The following VWC2 variants were observed in gnomAD, a reference collection of about 807,000 sequenced individuals.
The protein encoded by VWC2 is von Willebrand factor C domain containing 2.
In VWC2, 14 loss-of-function variants were observed where a neutral mutation model predicts 29.8. The ratio of observed to expected loss-of-function variants is 0.47; its 90% CI spans 0.31 to 0.74. VWC2 has a LOEUF of 0.74. VWC2 is among the 30% of genes least tolerant of loss of function. The pLI is 0.05. For missense variants in VWC2, 457 were observed against 459.8 expected (o/e 0.99, Z 0.05); for synonymous variants, 213 against 199.0 (o/e 1.07, Z -0.59).
At chr7:49,903,939 CA>C (rs1205843812) in intron 3 of VWC2, among the ~76,000 whole-genome samples, 3 of 152,142 alleles carry the variant, frequency 2.0e-5, no homozygotes, top group African/African-American at 7.2e-5. Context: ...GTCTGGTTTA[CA>C]TAGGGCTCAC....
At chr7:49,870,845 A>G (rs1266513258) in intron 3 of VWC2, among the ~76,000 whole-genome samples, 1 of 152,252 alleles carries the variant, frequency 6.6e-6, no homozygotes, top group Non-Finnish European at 1.5e-5. Flanking sequence ...TTGTGGGAGA[A>G]TCCCAGTTCA....
chr7:49,864,308 A>C (rs1038464287), intron 3 of VWC2, among the ~76,000 whole-genome samples: 1 of 152,212 alleles, frequency 6.6e-6, no homozygotes, highest in Non-Finnish European at 1.5e-5. Flanking sequence ...TAGTCTCTGC[A>C]GAATTGTTCT....
chr7:49,775,403 C>G lies in VWC2; in HGVS notation c.-33C>G. 5 of 868,958 alleles carry G rather than the reference C, an allele frequency of 5.8e-6. No homozygotes were observed. The highest frequency in any genetic ancestry group is 6.1e-6 in the Non-Finnish European group (4 of 650,746). The allele number at this position is 868,958 out of a possible 1,614,324, so 53.8% of individuals were successfully genotyped here. A position where few individuals can be genotyped will look rare whatever the true frequency, so the allele number is the denominator to read the frequency against. ...TGCGACTCGCCCCTCGGCCGCGCTC[C>G]CCGCCCGCCCGCCCGCCGGGACGTG... is the stretch of plus-strand genomic sequence containing the variant. On this transcript the variant is annotated 5_prime_UTR_variant, in exon 2 of 4. Transcript: ENST00000340652.
At chr7:49,828,295 T>A (rs557995232) in intron 3 of VWC2, among the ~76,000 whole-genome samples, 1 of 152,320 alleles carries the variant, frequency 6.6e-6, no homozygotes, top group South Asian at 2.1e-4. Flanking sequence ...CCTTTTCAGT[T>A]TGGAACTATA....
chr7:49,915,314 G>A lies in VWC2; in HGVS notation c.*3129G>A, dbSNP rs1793657134. 2 of 152,180 alleles carry A rather than the reference G, an allele frequency of 1.3e-5. No homozygotes were observed. The highest frequency in any genetic ancestry group is 4.8e-5 in the African/African-American group (2 of 41,438). The allele number at this position is 152,180 out of a possible 1,614,324, so 9.4% of individuals were successfully genotyped here. A position where few individuals can be genotyped will look rare whatever the true frequency, so the allele number is the denominator to read the frequency against. On this transcript the variant is annotated 3_prime_UTR_variant, in exon 4 of 4. Coordinates refer to ENST00000340652, the MANE Select transcript of VWC2 (RefSeq NM_198570.5). Reference sequence around the variant, plus strand: ...GGCACAGTGTCCTTGACATCAAGGGGTCTGTAAGCCTTGAAACTAATTTAG... The same window carrying A: ...GGCACAGTGTCCTTGACATCAAGGGATCTGTAAGCCTTGAAACTAATTTAG...
intron 3 of VWC2, among the ~76,000 whole-genome samples, chr7:49,896,996 C>T (rs944380116): frequency 2.6e-5 from 4 of 151,482 alleles, no homozygotes; most frequent in East Asian, 1.9e-4. Flanking sequence ...CCCGGGTTCA[C>T]GCCATTCTCC....
At chr7:49,781,948 G>C (rs1788187162) in intron 2 of VWC2, among the ~76,000 whole-genome samples, 1 of 152,180 alleles carries the variant, frequency 6.6e-6, no homozygotes, top group Admixed American at 6.5e-5. Context: ...AAGAAGACTA[G>C]ATCCCAAGAG....
chr7:49,877,485 T>TACATATAC (rs1351876914), intron 3 of VWC2, among the ~76,000 whole-genome samples: 1 of 14,934 alleles, frequency 6.7e-5, no homozygotes, highest in Admixed American at 9.8e-4. Flanking sequence ...AAAAAAAATA[T>TACATATAC]ATATATATAT....
At chr7:49,782,223 A>T (rs976773614) in intron 2 of VWC2, among the ~76,000 whole-genome samples, 6 of 151,806 alleles carry the variant, frequency 4.0e-5, no homozygotes, top group Non-Finnish European at 8.8e-5. Flanking sequence ...AGCTGACCAC[A>T]CCCCCCTTGC....
intron 3 of VWC2, among the ~76,000 whole-genome samples, chr7:49,890,805 G>A (rs1792096568): frequency 6.6e-6 from 1 of 151,866 alleles, no homozygotes; most frequent in Non-Finnish European, 1.5e-5. Context: ...GGAAAGGAAG[G>A]CTCACTGAGA....
intron 3 of VWC2, among the ~76,000 whole-genome samples, chr7:49,909,812 GAA>G (rs1266480081): frequency 6.6e-6 from 1 of 152,178 alleles, no homozygotes; most frequent in African/African-American, 2.4e-5. Flanking sequence ...AAGAAGAAAA[GAA>G]AGTCCAGGGC....
chr7:49,854,477 T>G (rs1211920692), intron 3 of VWC2, among the ~76,000 whole-genome samples: 2 of 152,218 alleles, frequency 1.3e-5, no homozygotes, highest in East Asian at 1.9e-4. Flanking sequence ...TGATGAGCAT[T>G]TTTTCATGTG....
intron 2 of VWC2, among the ~76,000 whole-genome samples, chr7:49,788,620 GGTGTGTGA>G (rs1194253179): frequency 7.5e-6 from 1 of 133,730 alleles, no homozygotes; most frequent in African/African-American, 3.6e-5. Context: ...ATGAGTGGTG[GGTGTGTGA>G]GTGAGTGTGT....
intron 2 of VWC2, among the ~76,000 whole-genome samples, chr7:49,789,204 G>GGTGT (rs143807454): frequency 4.1e-5 from 6 of 146,942 alleles, no homozygotes; most frequent in South Asian, 2.2e-4. Flanking sequence ...TGTGAGTGTG[G>GGTGT]GTGTGTGTGT....
intron 2 of VWC2, among the ~76,000 whole-genome samples, chr7:49,789,258 G>GGT (rs879787718): frequency 1.4e-5 from 2 of 139,818 alleles, no homozygotes; most frequent in East Asian, 4.3e-4. Context: ...TGTGGGAGTG[G>GGT]GTGTGTGTGA....
At chr7:49,831,964 A>G (rs752623258) in intron 3 of VWC2, among the ~76,000 whole-genome samples, 2 of 152,224 alleles carry the variant, frequency 1.3e-5, no homozygotes, top group Admixed American at 1.3e-4. Flanking sequence ...ATCATCAGAT[A>G]GTAGACAGAT....
chr7:49,899,113 A>G (rs564089368), intron 3 of VWC2, among the ~76,000 whole-genome samples: 18 of 152,178 alleles, frequency 1.2e-4, no homozygotes, highest in Admixed American at 1.2e-3. Context: ...AGACACATAG[A>G]CTATCCCCCC....
chr7:49,885,017 G>A (rs1791836736), intron 3 of VWC2, among the ~76,000 whole-genome samples: 1 of 151,990 alleles, frequency 6.6e-6, no homozygotes, highest in South Asian at 2.1e-4. Flanking sequence ...AGTGTTGTAT[G>A]GCTAAATTTA....
At chr7:49,794,181 A>T (rs2128704371) in intron 2 of VWC2, among the ~76,000 whole-genome samples, 1 of 152,274 alleles carries the variant, frequency 6.6e-6, no homozygotes, top group African/African-American at 2.4e-5. Context: ...GCCCATTTGC[A>T]TGCTAGCAAA....
Sources: allele counts gnomAD v4.1 joint callset (sites outside exome capture counted in the v4.1 genomes callset), GRCh38; gene constraint gnomAD v4.1.1; transcripts MANE v1.5; gene names NCBI Gene and HGNC (gene_info 2026-07-23, HGNC 2026-07-21).